Variants in EPHA6 observed in about 807,000 individuals in gnomAD.
The protein encoded by EPHA6 is EPH receptor A6.
EPHA6 carries 50 observed loss-of-function variants against 112.0 expected under a neutral mutation model. The observed-to-expected ratio is 0.45, with a 90% CI of 0.36 to 0.56. The LOEUF is 0.56. Among genes scored for constraint, EPHA6 ranks in the 20% least tolerant of loss-of-function variants. The probability of loss-of-function intolerance (pLI) is 0.00; values close to 1 mark genes in which losing one functional copy is unlikely to be tolerated. For synonymous variants in EPHA6, 529 were observed against 490.7 expected, an observed-to-expected ratio of 1.08 and a Z score of -1.03; for missense variants, 1,280 against 1,417.4, an observed-to-expected ratio of 0.90 and a Z score of 1.56.
chr3:97,441,719 T>A (rs951175446), intron 6 of EPHA6, among the ~76,000 whole-genome samples: 1 of 152,072 alleles, frequency 6.6e-6, no homozygotes, highest in African/African-American at 2.4e-5. Flanking sequence ...CTATAGTGAC[T>A]AAAATATTTA....
Position 97,760,013 on chromosome 3 carries a change from A to G in EPHA6, c.*11312A>G, listed in dbSNP as rs1228795386. On this transcript the variant is annotated 3_prime_UTR_variant, in exon 18 of 18. Transcript: ENST00000389672. ...ATCTATTACAGATTAAAAGGCAGAAACATTTTGTAGCTAATCTGTTATAAT... is the reference window on the plus strand; with the variant it reads ...ATCTATTACAGATTAAAAGGCAGAAGCATTTTGTAGCTAATCTGTTATAAT... 2 of 186,002 alleles carry G rather than the reference A, an allele frequency of 1.1e-5. No homozygotes were observed. The highest frequency in any genetic ancestry group is 2.3e-5 in the Non-Finnish European group (2 of 88,026). 11.5% of individuals were successfully genotyped at this position (186,002 alleles called of 1,614,324 possible).
chr3:96,975,260 G>A (rs908656593), intron 2 of EPHA6, among the ~76,000 whole-genome samples: 2 of 152,036 alleles, frequency 1.3e-5, no homozygotes, highest in Admixed American at 1.3e-4. Flanking sequence ...CTTGGGAGGG[G>A]CAGACTTGCA....
At position 97,475,389 on chromosome 3, in the gene EPHA6, G is replaced by T; in HGVS notation, c.1932G>T (p.Val644=). 1 of 1,611,904 alleles carries T rather than the reference G, an allele frequency of 6.2e-7. No homozygotes were observed. The highest frequency in any genetic ancestry group is 1.1e-5 in the South Asian group (1 of 90,778). ...DMAAEQGQIL[V]IATAAVGGFT... ...CAGCAGAACAAGGACAGATTCTCGT[G>T]ATAGCCACCGCCGCTGTTGGCGGAT... The change falls in exon 8 of 18, where the codon GTG becomes GTT. Residue 644 remains valine (V), a synonymous_variant. Coordinates refer to ENST00000389672, the MANE Select transcript of EPHA6 (RefSeq NM_001080448.3).
At chr3:97,676,552 G>A (rs2031402434) in intron 14 of EPHA6, among the ~76,000 whole-genome samples, 1 of 152,154 alleles carries the variant, frequency 6.6e-6, no homozygotes, top group African/African-American at 2.4e-5. Context: ...CAGAGAGATG[G>A]AGCACTGGTC....
At chr3:96,953,883 T>G (rs2041654216) in intron 2 of EPHA6, among the ~76,000 whole-genome samples, 1 of 152,090 alleles carries the variant, frequency 6.6e-6, no homozygotes, top group Non-Finnish European at 1.5e-5. Context: ...ATAACTTTTT[T>G]TTTTTTTGAG....
intron 5 of EPHA6, among the ~76,000 whole-genome samples, chr3:97,312,352 C>T (rs1448479930): frequency 1.3e-5 from 2 of 151,510 alleles, no homozygotes; most frequent in Non-Finnish European, 3.0e-5. Context: ...TGCTATAGTC[C>T]TGATTTGCGT....
At chr3:97,396,133 G>T (rs1231143507) in intron 5 of EPHA6, among the ~76,000 whole-genome samples, 2 of 151,326 alleles carry the variant, frequency 1.3e-5, no homozygotes, top group Non-Finnish European at 1.5e-5. Flanking sequence ...ATATTAAATG[G>T]CTTATAAGGT....
chr3:97,489,608 C>T (rs1020377827), intron 10 of EPHA6, among the ~76,000 whole-genome samples: 4 of 150,122 alleles, frequency 2.7e-5, no homozygotes, highest in African/African-American at 9.8e-5. Flanking sequence ...ATGGCATGAA[C>T]CCGGGAGGCA....
chr3:97,567,308 C>T (rs2093279188), intron 11 of EPHA6, among the ~76,000 whole-genome samples: 2 of 152,176 alleles, frequency 1.3e-5, no homozygotes, highest in Middle Eastern at 3.4e-3. Context: ...CAAATAAAGG[C>T]TTGTGTGCCA....
intron 2 of EPHA6, among the ~76,000 whole-genome samples, chr3:96,925,605 G>GTTT (rs34393123): frequency 2.3e-4 from 31 of 136,586 alleles, no homozygotes; most frequent in African/African-American, 7.9e-4. Context: ...TTGATTTGCT[G>GTTT]TTTTTTTTTT....
At chr3:97,571,675 C>T (rs919077772) in intron 11 of EPHA6, among the ~76,000 whole-genome samples, 3 of 151,272 alleles carry the variant, frequency 2.0e-5, no homozygotes, top group African/African-American at 7.3e-5. Flanking sequence ...TAATGAAACT[C>T]TTTCCTGTTA....
chr3:97,427,735 A>AT (rs952354520), intron 6 of EPHA6, among the ~76,000 whole-genome samples: 176 of 152,312 alleles, frequency 1.2e-3, no homozygotes, highest in African/African-American at 4.0e-3. Flanking sequence ...TGATGCAGCC[A>AT]TTAAAAAAAA....
At chr3:97,092,082 C>A (rs1576471834) in intron 3 of EPHA6, among the ~76,000 whole-genome samples, 1 of 142,196 alleles carries the variant, frequency 7.0e-6, no homozygotes. Flanking sequence ...TTTTGGTTAA[C>A]AAGGTTTTTT....
At chr3:97,479,265 C>T in intron 8 of EPHA6, 29 bp from the exon 9 acceptor site, 1 of 1,466,442 alleles carries the variant, frequency 6.8e-7, no homozygotes, top group Non-Finnish European at 9.2e-7. Flanking sequence ...CTTCTTAAAA[C>T]AAGTTTTTTT....
chr3:97,542,150 G>A (rs1250405830), intron 11 of EPHA6, among the ~76,000 whole-genome samples: 2 of 149,040 alleles, frequency 1.3e-5, no homozygotes, highest in Admixed American at 1.3e-4. Flanking sequence ...GTGCACCTTT[G>A]TTACATACGT....
intron 14 of EPHA6, among the ~76,000 whole-genome samples, chr3:97,685,946 T>C (rs960490946): frequency 1.3e-5 from 2 of 152,146 alleles, no homozygotes; most frequent in African/African-American, 4.8e-5. Flanking sequence ...TGTAAATTTT[T>C]TGGTAAATCT....
intron 2 of EPHA6, among the ~76,000 whole-genome samples, chr3:96,940,839 A>G (rs1407087471): frequency 2.0e-5 from 3 of 152,008 alleles, no homozygotes; most frequent in African/African-American, 7.3e-5. Flanking sequence ...AAAGGATTTT[A>G]TTTCTCCTCC....
At chr3:97,254,640 TCTAAAGAGAATGTAGA>T (rs2079249700) in intron 5 of EPHA6, among the ~76,000 whole-genome samples, 1 of 152,228 alleles carries the variant, frequency 6.6e-6, no homozygotes, top group Non-Finnish European at 1.5e-5. Context: ...CTTGAAGTAA[TCTAAAGAGAATGTAGA>T]GTTCAGCTAC....
chr3:97,754,054 T>C lies in EPHA6; in HGVS notation c.*5353T>C, dbSNP rs1386614540. The stretch of plus-strand genomic sequence containing the variant: ...TAGCTTCAAATTAACAATGAGTTTG[T>C]ATAAAATGTATAAAAAATAACATTT... On this transcript the variant is annotated 3_prime_UTR_variant, in exon 18 of 18. Transcript: ENST00000389672. 1.3e-5 allele frequency among the ~76,000 whole-genome samples: 2 copies of C among 151,666 alleles called. No individual in the cohort carries two copies. Among genetic ancestry groups the C allele is most frequent in the African/African-American group, 4.8e-5 (2 of 41,354 alleles).
Sources: allele counts gnomAD v4.1 joint callset (sites outside exome capture counted in the v4.1 genomes callset), GRCh38; gene constraint gnomAD v4.1.1; transcripts MANE v1.5; gene names NCBI Gene and HGNC (gene_info 2026-07-23, HGNC 2026-07-21).